ETS1: variants seen among roughly 807,000 people sequenced by gnomAD.
ETS1 encodes the protein protein C-ets-1.
ETS1 carries 15 observed loss-of-function variants against 58.6 expected under a neutral mutation model. The observed-to-expected ratio is 0.26, with a 90% CI of 0.17 to 0.39. The LOEUF is 0.39. ETS1 is among the 10% of genes least tolerant of loss of function. The pLI, the probability that ETS1 is intolerant of heterozygous loss-of-function variation, is 1.00. For synonymous variants in ETS1, 214 were observed against 218.2 expected (o/e 0.98, Z 0.17); for missense variants, 417 against 610.5 (o/e 0.68, Z 3.34).
At chr11:128,565,478 A>C (rs139922867) in intron 2 of ETS1, among the ~76,000 whole-genome samples, 1 of 152,322 alleles carries the variant, frequency 6.6e-6, no homozygotes, top group African/African-American at 2.4e-5. Flanking sequence ...CAGGAGTGCT[A>C]TAACAAAATA....
chr11:128,503,567 C>T (rs1863146615), intron 3 of ETS1, among the ~76,000 whole-genome samples: 1 of 152,230 alleles, frequency 6.6e-6, no homozygotes, highest in African/African-American at 2.4e-5. Context: ...TCAGATGAAA[C>T]ATTGGACCAC....
intron 3 of ETS1, among the ~76,000 whole-genome samples, chr11:128,513,566 A>T (rs1863444432): frequency 6.6e-6 from 1 of 152,148 alleles, no homozygotes; most frequent in Admixed American, 6.5e-5. Context: ...GTGATTCTTC[A>T]TTGCATTCTG....
intron 7 of ETS1, among the ~76,000 whole-genome samples, chr11:128,481,025 C>T (rs1189766323): frequency 6.6e-5 from 10 of 152,168 alleles, no homozygotes; most frequent in Non-Finnish European, 1.3e-4. Flanking sequence ...TTCCCAAATA[C>T]TATTTTAATA....
intron 8 of ETS1, among the ~76,000 whole-genome samples, chr11:128,475,803 T>A (rs7109882): frequency 1.3e-5 from 2 of 151,756 alleles, no homozygotes; most frequent in South Asian, 4.2e-4. Context: ...TGCCTGCCTC[T>A]GCCTCCCAAA....
chr11:128,561,807 G>C (rs1864409722), intron 2 of ETS1, among the ~76,000 whole-genome samples: 1 of 152,180 alleles, frequency 6.6e-6, no homozygotes, highest in Admixed American at 6.5e-5. Flanking sequence ...AGGGCAACTT[G>C]GTGGAGGGTC....
chr11:128,480,451 C>T lies in ETS1; in HGVS notation c.863G>A (p.Gly288Asp), dbSNP rs1862452535. The change falls in exon 8 of 10, where the codon GGT becomes GAT. Residue 288 changes from glycine (G) to aspartate (D), a missense_variant and splice_region_variant. Gly to Asp is a moderately conservative substitution (Grantham distance 94). Around this residue, in one of 4 missense-constraint regions of ETS1, gnomAD observed 139 missense variants for 152.1 expected, o/e 0.91. Transcript: ENST00000392668. Reference sequence around the variant, plus strand: ...AAAAGAGTCCTGGCCCCCGAGTTTACCTGGAGGTAAAGGAGGAGGTAGGAA... The same window carrying T: ...AAAAGAGTCCTGGCCCCCGAGTTTATCTGGAGGTAAAGGAGGAGGTAGGAA... ...DNMCMGRTSRGKLGGQDSFES... is the reference protein window; with the variant it reads ...DNMCMGRTSRDKLGGQDSFES... The T allele has an allele frequency of 1.2e-6, 2 of 1,610,400 alleles. No individual in the cohort carries two copies. Among genetic ancestry groups the T allele is most frequent in the Non-Finnish European group, 1.7e-6 (2 of 1,177,358 alleles).
intron 3 of ETS1, among the ~76,000 whole-genome samples, chr11:128,521,274 A>G (rs1863660399): frequency 6.6e-6 from 1 of 152,220 alleles, no homozygotes; most frequent in African/African-American, 2.4e-5. Context: ...TTGGTACCAG[A>G]AGAAAAATTT....
In ETS1 at chr11:128,540,320, C is replaced by CAA. The variant is rs112191021; in HGVS notation, c.214+15969_214+15970dup. ...GGGCAACAAGAGAGAAATTCCATCT[C>CAA]AAAAAAAAAAAAAAAAAAGAAGAAG... is the stretch of plus-strand genomic sequence containing the variant. On this transcript the variant is annotated intron_variant, in intron 3 of 9. Coordinates refer to ENST00000392668, the MANE Select transcript of ETS1 (RefSeq NM_001143820.2). 5.7e-3 allele frequency among the ~76,000 whole-genome samples: 479 copies of CAA among 83,792 alleles called. 10 individuals carry two copies. The East Asian group carries it at 0.074, about 13-fold the overall frequency. 55.0% of individuals were successfully genotyped at this position (83,792 alleles called of 152,430 possible).
At chr11:128,520,329 T>C (rs924433984) in intron 3 of ETS1, among the ~76,000 whole-genome samples, 1 of 152,178 alleles carries the variant, frequency 6.6e-6, no homozygotes, top group African/African-American at 2.4e-5. Flanking sequence ...GAAAGATCCC[T>C]TGTAGGTATG....
intron 7 of ETS1, among the ~76,000 whole-genome samples, chr11:128,484,108 TTA>T: frequency 6.6e-6 from 1 of 152,350 alleles, no homozygotes; most frequent in South Asian, 2.1e-4. Flanking sequence ...CTTTTTTGCT[TTA>T]TGTCACCCAG....
intron 3 of ETS1, among the ~76,000 whole-genome samples, chr11:128,532,081 A>C (rs1424531130): frequency 6.6e-6 from 1 of 152,204 alleles, no homozygotes. Flanking sequence ...TGGTGGCATG[A>C]ACGGTTTAAC....
chr11:128,472,905 G>T (rs1862225117), intron 8 of ETS1, among the ~76,000 whole-genome samples: 1 of 152,006 alleles, frequency 6.6e-6, no homozygotes, highest in South Asian at 2.1e-4. Flanking sequence ...ATCATGTCTT[G>T]GCACCTGCTT....
At position 128,462,252 on chromosome 11, in the gene ETS1, ATGAGTTC is replaced by A; in HGVS notation, c.*102_*108del. 1.1e-6 allele frequency: 1 copy of A among 877,102 alleles called. No individual in the cohort carries two copies. The highest frequency in any genetic ancestry group is 1.8e-6 in the Non-Finnish European group (1 of 568,204). 54.3% of individuals were successfully genotyped at this position (877,102 alleles called of 1,614,324 possible). ...TAGCTCCCACCCCTGAAGGTAAAAA[ATGAGTTC>A]TGGAAAATAAAAAATAGAATAACAA... is the stretch of plus-strand genomic sequence containing the variant. On this transcript the variant is annotated 3_prime_UTR_variant, in exon 10 of 10. Transcript: ENST00000392668.
At chr11:128,526,589 A>G (rs1239502583) in intron 3 of ETS1, 2 of 243,718 alleles carry the variant, frequency 8.2e-6, no homozygotes, top group Non-Finnish European at 1.6e-5. Context: ...CTCCAGCGAG[A>G]GATAGAACAA....
At chr11:128,531,987 T>A (rs1352911437) in intron 3 of ETS1, among the ~76,000 whole-genome samples, 1 of 152,208 alleles carries the variant, frequency 6.6e-6, no homozygotes, top group Non-Finnish European at 1.5e-5. Flanking sequence ...CGGCTGTCTC[T>A]TTTCCTGCCA....
chr11:128,477,859 T>C (rs1403765252), intron 8 of ETS1, among the ~76,000 whole-genome samples: 1 of 152,224 alleles, frequency 6.6e-6, no homozygotes, highest in Non-Finnish European at 1.5e-5. Context: ...TCTAGCACAA[T>C]GTCTAGCATT....
chr11:128,507,121 ATCTTTTTGGG>A (rs1314572979), intron 3 of ETS1, among the ~76,000 whole-genome samples: 1 of 152,058 alleles, frequency 6.6e-6, no homozygotes, highest in African/African-American at 2.4e-5. Context: ...GATGCCAGGG[ATCTTTTTGGG>A]AAATTCTTTT....
Position 128,489,492 on chromosome 11 carries a change from TG to T in ETS1, c.335-3del, listed in dbSNP as rs1862737538. On this transcript the variant is annotated splice_polypyrimidine_tract_variant and splice_region_variant and intron_variant, in intron 4 of 9. Coordinates refer to ENST00000392668, the MANE Select transcript of ETS1 (RefSeq NM_001143820.2). Reference sequence around the variant, plus strand: ...GGGTTTCTGTCCACTGCCGGGGGTCTGAGGAAAGAGATCAGATGAAGATCCA... The same window carrying T: ...GGGTTTCTGTCCACTGCCGGGGGTCTAGGAAAGAGATCAGATGAAGATCCA... The T allele has an allele frequency of 6.2e-7, 1 of 1,613,016 alleles. No individual in the cohort carries two copies. Among genetic ancestry groups the T allele is most frequent in the Admixed American group, 1.7e-5 (1 of 60,006 alleles).
At chr11:128,585,096 AAAGAAAGGAAGGAAGG>A (rs1565421484) in intron 1 of ETS1, among the ~76,000 whole-genome samples, 30 of 32,644 alleles carry the variant, frequency 9.2e-4, no homozygotes, top group African/African-American at 4.4e-3. Flanking sequence ...GAAAGGAAAG[AAAGAAAGGAAGGAAGG>A]AAGGAAAGAA....
Sources: allele counts gnomAD v4.1 joint callset (sites outside exome capture counted in the v4.1 genomes callset), GRCh38; gene constraint gnomAD v4.1.1; regional missense constraint gnomAD v4.1.1; transcripts MANE v1.5; gene names NCBI Gene and HGNC (gene_info 2026-07-23, HGNC 2026-07-21).